Variants in PSMA8 observed in about 807,000 individuals in gnomAD.
PSMA8 encodes the protein proteasome subunit alpha-type 8.
PSMA8 carries 18 observed loss-of-function variants against 32.4 expected under a neutral mutation model. The ratio of observed to expected loss-of-function variants is 0.56; its 90% CI spans 0.38 to 0.82. PSMA8 has a LOEUF of 0.82. Among genes scored for constraint, PSMA8 ranks in the 40% least tolerant of loss-of-function variants. The pLI is 0.00. For missense variants in PSMA8, 298 were observed against 300.7 expected (o/e 0.99, Z 0.07); for synonymous variants, 104 against 98.1 (o/e 1.06, Z -0.36).
At chr18:26,179,666 T>A (rs557611795) in intron 6 of PSMA8, among the ~76,000 whole-genome samples, 1 of 152,290 alleles carries the variant, frequency 6.6e-6, no homozygotes, top group African/African-American at 2.4e-5. Flanking sequence ...GCATTTGAAA[T>A]GTAGTTCACT....
chr18:26,137,753 A>T (rs1450944491), intron 1 of PSMA8, among the ~76,000 whole-genome samples: 3 of 152,180 alleles, frequency 2.0e-5, no homozygotes, highest in East Asian at 3.9e-4. Context: ...GTCCTTAGAG[A>T]TCCTACTATC....
rs1000827971 is a variant in PSMA8 at position 26,192,568 on chromosome 18, T to G, written c.*157T>G. On this transcript the variant is annotated 3_prime_UTR_variant, in exon 7 of 7. Coordinates refer to ENST00000415576, the MANE Select transcript of PSMA8 (RefSeq NM_001025096.2). The stretch of plus-strand genomic sequence containing the variant: ...GCCAGATCTGTGGCTGTCTTCATTC[T>G]ATTACATAGTCAAACATAGGTTTAT... The G allele has an allele frequency of 1.3e-6, 1 of 792,052 alleles. No homozygotes were observed. Among genetic ancestry groups the G allele is most frequent in the Non-Finnish European group, 1.8e-6 (1 of 568,672 alleles). The allele number at this position is 792,052 out of a possible 1,614,324, so 49.1% of individuals were successfully genotyped here. A position where few individuals can be genotyped will look rare whatever the true frequency, so the allele number is the denominator to read the frequency against.
chr18:26,163,913 G>T (rs1346586632), intron 4 of PSMA8, among the ~76,000 whole-genome samples: 9 of 152,216 alleles, frequency 5.9e-5, no homozygotes, highest in Non-Finnish European at 1.3e-4. Context: ...TAGATTAGAG[G>T]CATTGGGCCA....
At position 26,154,706 on chromosome 18, in the gene PSMA8, T is replaced by A. The variant is rs530399561; in HGVS notation, c.354+2724T>A. Among the ~76,000 whole-genome samples, 10 of 152,256 alleles carry A rather than the reference T, an allele frequency of 6.6e-5. No homozygotes were observed. The East Asian group carries it at 9.7e-4, about 15-fold the overall frequency. The stretch of plus-strand genomic sequence containing the variant: ...TTCTTGGCTCACTGCAACCTCCAAC[T>A]CCCTCGTTCAAGTGATTCTCCTGCC... On this transcript the variant is annotated intron_variant, in intron 3 of 6. Transcript: ENST00000415576.
intron 6 of PSMA8, among the ~76,000 whole-genome samples, chr18:26,187,488 A>G (rs575184281): frequency 6.6e-6 from 1 of 152,226 alleles, no homozygotes; most frequent in South Asian, 2.1e-4. Context: ...ATATAGAATG[A>G]CTGAATGGAT....
intron 6 of PSMA8, among the ~76,000 whole-genome samples, chr18:26,191,976 G>A (rs2055407108): frequency 6.6e-6 from 1 of 152,194 alleles, no homozygotes; most frequent in South Asian, 2.1e-4. Context: ...GTAGGGTGCA[G>A]TTGGGAGAGT....
chr18:26,150,848 G>T (rs937360711), intron 2 of PSMA8, among the ~76,000 whole-genome samples: 5 of 152,106 alleles, frequency 3.3e-5, no homozygotes, highest in South Asian at 2.1e-4. Flanking sequence ...TCATATTTCA[G>T]ATTGAGTGAC....
At chr18:26,181,052 G>A (rs1374355647) in intron 6 of PSMA8, among the ~76,000 whole-genome samples, 1 of 152,150 alleles carries the variant, frequency 6.6e-6, no homozygotes, top group African/African-American at 2.4e-5. Context: ...TCGTTAAATG[G>A]TGTTTTACAG....
At chr18:26,141,382 A>G (rs989771905) in intron 1 of PSMA8, among the ~76,000 whole-genome samples, 2 of 152,192 alleles carry the variant, frequency 1.3e-5, no homozygotes, top group South Asian at 4.1e-4. Context: ...TTTCTTTACT[A>G]AGTCAAAAAT....
intron 1 of PSMA8, among the ~76,000 whole-genome samples, chr18:26,136,256 A>T (rs2054910828): frequency 6.6e-6 from 1 of 152,240 alleles, no homozygotes; most frequent in South Asian, 2.1e-4. Flanking sequence ...TTGGAGAAGT[A>T]ATACCTTTCT....
intron 1 of PSMA8, among the ~76,000 whole-genome samples, 182 bp downstream of exon 1, chr18:26,134,249 A>G (rs546320528): frequency 6.6e-6 from 1 of 152,172 alleles, no homozygotes; most frequent in East Asian, 1.9e-4. Flanking sequence ...GGAAGTGGGC[A>G]GAGTAAAAGT....
In PSMA8 at chr18:26,144,618, G is replaced by A; in HGVS notation, c.162G>A (p.Lys54=). The change falls in exon 2 of 7, where the codon AAG becomes AAA. Residue 54 remains lysine (K), a synonymous_variant. Coordinates refer to ENST00000415576, the MANE Select transcript of PSMA8 (RefSeq NM_001025096.2). The part of the protein sequence containing the change: ...VLGVEKKSVA[K]LQDERTVRKI... Reference sequence around the variant, plus strand: ...GGGTAGAAAAAAAATCTGTTGCCAAGCTTCAAGATGAAAGAACTGTGAGGA... The same window carrying A: ...GGGTAGAAAAAAAATCTGTTGCCAAACTTCAAGATGAAAGAACTGTGAGGA... 1 of 1,613,824 alleles carries A rather than the reference G, an allele frequency of 6.2e-7. No homozygotes were observed. The highest frequency in any genetic ancestry group is 2.2e-5 in the East Asian group (1 of 44,828).
intron 4 of PSMA8, among the ~76,000 whole-genome samples, chr18:26,162,118 C>A (rs1181284553): frequency 6.6e-6 from 1 of 152,130 alleles, no homozygotes; most frequent in African/African-American, 2.4e-5. Context: ...TGATTTAAAT[C>A]AAGCTAATTA....
intron 2 of PSMA8, among the ~76,000 whole-genome samples, chr18:26,146,504 C>T (rs1417243787): frequency 6.6e-6 from 1 of 152,208 alleles, no homozygotes; most frequent in South Asian, 2.1e-4. Context: ...GTGGCTCATA[C>T]CTGTAATCCC....
At chr18:26,181,453 G>A (rs535649958) in intron 6 of PSMA8, among the ~76,000 whole-genome samples, 8 of 152,108 alleles carry the variant, frequency 5.3e-5, no homozygotes, top group African/African-American at 1.2e-4. Context: ...TTAATAACCC[G>A]ATAAGGGCCT....
At chr18:26,149,721 TGAATATTCACATAAAAA>T (rs1881259299) in intron 2 of PSMA8, among the ~76,000 whole-genome samples, 1 of 152,134 alleles carries the variant, frequency 6.6e-6, no homozygotes, top group Admixed American at 6.5e-5. Flanking sequence ...CAGGGGAAAC[TGAATATTCACATAAAAA>T]GAATGAAGTA....
At chr18:26,191,524 A>AT (rs1204266535) in intron 6 of PSMA8, among the ~76,000 whole-genome samples, 1 of 151,832 alleles carries the variant, frequency 6.6e-6, no homozygotes, top group Non-Finnish European at 1.5e-5. Flanking sequence ...GGTAGCACAC[A>AT]CCTGTAGTCC....
intron 1 of PSMA8, chr18:26,140,123 C>T (rs1568053041): frequency 7.1e-6 from 5 of 703,056 alleles, no homozygotes; most frequent in Non-Finnish European, 1.3e-5. Flanking sequence ...AGTACCTCTT[C>T]AGATTAGCTT....
chr18:26,141,996 CTACA>C (rs1381617132), intron 1 of PSMA8, among the ~76,000 whole-genome samples: 3 of 148,672 alleles, frequency 2.0e-5, no homozygotes, highest in Non-Finnish European at 4.5e-5. Flanking sequence ...AGGCCTAGTT[CTACA>C]TTTCATCTAT....
Sources: gnomAD v4.1 joint callset for allele counts (sites outside exome capture counted in the v4.1 genomes callset) on GRCh38, gnomAD v4.1.1 for gene constraint, MANE v1.5 for transcripts, NCBI Gene and HGNC (gene_info 2026-07-23, HGNC 2026-07-21) for gene names.